The following MYO5B variants were observed in gnomAD, a reference collection of about 807,000 sequenced individuals.
The protein encoded by MYO5B is unconventional myosin-Vb.
A neutral mutation model predicts 229.3 loss-of-function variants in MYO5B; 143 were observed. The ratio of observed to expected loss-of-function variants is 0.62; its 90% CI spans 0.54 to 0.72. The LOEUF (loss-of-function observed/expected upper bound fraction) is 0.72. Among genes scored for constraint, MYO5B ranks in the 30% least tolerant of loss-of-function variants. The probability of loss-of-function intolerance (pLI) is 0.00; values close to 1 mark genes in which losing one functional copy is unlikely to be tolerated. For missense variants in MYO5B, 2,321 were observed against 2,331.0 expected, an observed-to-expected ratio of 1.00 and a Z score of 0.09; for synonymous variants, 918 against 885.2, an observed-to-expected ratio of 1.04 and a Z score of -0.66.
chr18:50,085,151 T>C (rs2144478099), intron 1 of MYO5B, among the ~76,000 whole-genome samples: 1 of 152,264 alleles, frequency 6.6e-6, no homozygotes, highest in Non-Finnish European at 1.5e-5. Context: ...GAGAAAATTT[T>C]TGCAACCTAC....
intron 1 of MYO5B, among the ~76,000 whole-genome samples, chr18:50,179,654 G>A (rs369393020): frequency 1.2e-4 from 18 of 152,308 alleles, no homozygotes; most frequent in African/African-American, 4.3e-4. Flanking sequence ...GCCAGCACTA[G>A]CACAGAAGGC....
chr18:49,846,997 T>C, intron 33 of MYO5B, 149 bp downstream of exon 33: 1 of 824,648 alleles, frequency 1.2e-6, no homozygotes, highest in East Asian at 2.8e-5. Context: ...GAGTGGAAGA[T>C]GGGGGCAGGT....
chr18:49,903,186 G>T (rs2024863297), intron 20 of MYO5B, among the ~76,000 whole-genome samples: 1 of 152,106 alleles, frequency 6.6e-6, no homozygotes, highest in African/African-American at 2.4e-5. Context: ...CCCTCCTGGT[G>T]GCACTGAGCT....
At position 49,824,688 on chromosome 18, in the gene MYO5B, C is replaced by CAGTTGT. The variant is rs1278890632; in HGVS notation, c.*1777_*1782dup. The CAGTTGT allele has an allele frequency of 2.0e-5, 3 of 152,080 alleles. No individual in the cohort carries two copies. Among genetic ancestry groups the CAGTTGT allele is most frequent in the Admixed American group, 2.0e-4 (3 of 15,268 alleles). 9.4% of individuals were successfully genotyped at this position (152,080 alleles called of 1,614,324 possible). A position where few individuals can be genotyped will look rare whatever the true frequency, so the allele number is the denominator to read the frequency against. On this transcript the variant is annotated 3_prime_UTR_variant, in exon 40 of 40. Transcript: ENST00000285039. ...AACTTTAAAGAGGTAGCCACAAACC[C>CAGTTGT]AGTTGTTTTAGATTGGCCTTCTAAA...
At chr18:49,920,004 G>A (rs1484529650) in intron 17 of MYO5B, among the ~76,000 whole-genome samples, 1 of 152,240 alleles carries the variant, frequency 6.6e-6, no homozygotes, top group East Asian at 1.9e-4. Flanking sequence ...ACTACTGACG[G>A]TTGCTGCGCA....
intron 1 of MYO5B, among the ~76,000 whole-genome samples, chr18:50,070,484 G>A (rs1365916498): frequency 6.6e-6 from 1 of 151,766 alleles, no homozygotes; most frequent in African/African-American, 2.4e-5. Flanking sequence ...TTATCACAAG[G>A]GTTGGGGAGA....
At position 50,001,274 on chromosome 18, in the gene MYO5B, G is replaced by T. The variant is rs779552947; in HGVS notation, c.593C>A (p.Ala198Glu). ...CTTTACCTCCATGATGGGACTGGATGCCAGCACCTTCTCTTCGATGTTGGT... is the reference window on the plus strand; with the variant it reads ...CTTTACCTCCATGATGGGACTGGATTCCAGCACCTTCTCTTCGATGTTGGT... ...SETNIEEKVL[A>E]SSPIMEAIGN... Residue 198 changes from alanine (A) to glutamate (E), a missense_variant, in exon 5 of 40, where the codon GCA becomes GAA. By Grantham distance (107) the Ala-to-Glu change is moderately radical (BLOSUM62 -1). This residue lies in a region of MYO5B where 2,113 missense variants were observed against 2,044.7 expected (regional missense o/e 1.03). Coordinates refer to ENST00000285039, the MANE Select transcript of MYO5B (RefSeq NM_001080467.3). 1.5e-5 allele frequency: 24 copies of T among 1,614,090 alleles called. No individual in the cohort carries two copies. Among genetic ancestry groups the T allele is most frequent in the Non-Finnish European group, 1.9e-5 (22 of 1,180,026 alleles).
At chr18:50,067,820 C>G (rs1179791442) in intron 1 of MYO5B, among the ~76,000 whole-genome samples, 3 of 152,172 alleles carry the variant, frequency 2.0e-5, no homozygotes, top group African/African-American at 7.2e-5. Flanking sequence ...AAATACACCT[C>G]TTCTATCAAC....
At chr18:49,963,072 C>T in intron 10 of MYO5B, 42 bp from the exon 11 acceptor site, 1 of 1,530,044 alleles carries the variant, frequency 6.5e-7, no homozygotes, top group Non-Finnish European at 9.1e-7. Context: ...CTCCTTTCAA[C>T]AAAGGAATCA....
In MYO5B at chr18:49,839,188, T is replaced by A. The variant is rs1323557387; in HGVS notation, c.4808A>T (p.Gln1603Leu). ...GCCCTCGGCAATTTTAATGAGCTGCTGGTAGATCTGAATGGAAAGGTCACT... is the reference window on the plus strand; with the variant it reads ...GCCCTCGGCAATTTTAATGAGCTGCAGGTAGATCTGAATGGAAAGGTCACT... ...VLSDLSIQIYQQLIKIAEGVL... is the reference protein window; with the variant it reads ...VLSDLSIQIYLQLIKIAEGVL... Residue 1603 changes from glutamine (Q) to leucine (L), a missense_variant, in exon 36 of 40, where the codon CAG becomes CTG. Physicochemically the swap from Gln to Leu is moderately radical, Grantham distance 113 (BLOSUM62 -2). This residue lies in a region of MYO5B where 2,113 missense variants were observed against 2,044.7 expected (regional missense o/e 1.03). Coordinates refer to ENST00000285039, the MANE Select transcript of MYO5B (RefSeq NM_001080467.3). 2.5e-6 allele frequency: 4 copies of A among 1,614,158 alleles called. No homozygotes were observed. Among genetic ancestry groups the A allele is most frequent in the Non-Finnish European group, 3.4e-6 (4 of 1,180,036 alleles).
chr18:49,873,462 GC>G (rs144714019), intron 26 of MYO5B, among the ~76,000 whole-genome samples: 2,731 of 152,308 alleles, frequency 0.018, 32 homozygotes, highest in South Asian at 0.049. Flanking sequence ...GCTGAAGGAT[GC>G]CTACAGTTAC....
chr18:49,878,968 G>T lies in MYO5B; in HGVS notation c.3253C>A (p.Arg1085=). The change falls in exon 24 of 40, where the codon CGG becomes AGG. Residue 1085 remains arginine (R), a synonymous_variant. Transcript: ENST00000285039. ...GCCTTTATGATGGTCATTTCATCCC[G>T]AAGGTTGTCGTATCTCTGCTCCAAC... The part of the protein sequence containing the change: ...SQLEQRYDNL[R]DEMTIIKQTP... 1 of 1,614,130 alleles carries T rather than the reference G, an allele frequency of 6.2e-7. No homozygotes were observed. The highest frequency in any genetic ancestry group is 1.3e-5 in the African/African-American group (1 of 75,024).
At chr18:49,929,336 T>C (rs538135491) in intron 17 of MYO5B, among the ~76,000 whole-genome samples, 176 bp downstream of exon 17, 1 of 152,220 alleles carries the variant, frequency 6.6e-6, no homozygotes, top group African/African-American at 2.4e-5. Flanking sequence ...CCTTCCCAAT[T>C]TTTCAGGCTA....
chr18:50,049,296 TGAA>T (rs2030328876), intron 2 of MYO5B, among the ~76,000 whole-genome samples: 1 of 152,198 alleles, frequency 6.6e-6, no homozygotes, highest in African/African-American at 2.4e-5. Context: ...TTTTAATGAA[TGAA>T]TGATAAATCA....
chr18:50,094,521 G>C (rs1273254138), intron 1 of MYO5B, among the ~76,000 whole-genome samples: 1 of 152,138 alleles, frequency 6.6e-6, no homozygotes, highest in Admixed American at 6.5e-5. Context: ...ACACAGAAAG[G>C]AGTAGTTCAT....
intron 14 of MYO5B, among the ~76,000 whole-genome samples, chr18:49,951,578 C>A (rs2025431678): frequency 6.6e-6 from 1 of 152,136 alleles, no homozygotes; most frequent in Non-Finnish European, 1.5e-5. Flanking sequence ...GTTTTCCGGG[C>A]ACCACTCCTT....
chr18:50,050,137 TAAA>T (rs1276443576), intron 2 of MYO5B, among the ~76,000 whole-genome samples: 2 of 152,118 alleles, frequency 1.3e-5, no homozygotes, highest in East Asian at 3.9e-4. Flanking sequence ...AAGATAAAGA[TAAA>T]AATAAAAAAT....
At chr18:50,038,505 T>A (rs971156003) in intron 3 of MYO5B, among the ~76,000 whole-genome samples, 1 of 152,230 alleles carries the variant, frequency 6.6e-6, no homozygotes, top group Non-Finnish European at 1.5e-5. Context: ...ACTTGGAGAA[T>A]CCTCTTAGGA....
Position 49,841,425 on chromosome 18 carries a change from T to C in MYO5B, c.4641A>G (p.Ser1547=), listed in dbSNP as rs370422286. The C allele has an allele frequency of 5.6e-6, 9 of 1,614,240 alleles. No homozygotes were observed. Among genetic ancestry groups the C allele is most frequent in the Middle Eastern group, 1.6e-4 (1 of 6,062 alleles). The change falls in exon 35 of 40, where the codon TCA becomes TCG. Residue 1547 remains serine, a synonymous_variant. Transcript: ENST00000285039. Reference sequence around the variant, plus strand: ...GGCGGCAGGTGTTGGATAACCAGAATGACGTCATCTCAAAGTCATCATTGT... The same window carrying C: ...GGCGGCAGGTGTTGGATAACCAGAACGACGTCATCTCAAAGTCATCATTGT... ...KKHNDDFEMT[S]FWLSNTCRLL... is the part of the protein sequence containing the mutation.
Sources: gnomAD v4.1 joint callset for allele counts (sites outside exome capture counted in the v4.1 genomes callset) on GRCh38, gnomAD v4.1.1 for gene constraint, gnomAD v4.1.1 regional missense constraint, MANE v1.5 for transcripts, NCBI Gene and HGNC (gene_info 2026-07-23, HGNC 2026-07-21) for gene names.